Variants in FAM171A2 observed in about 807,000 individuals in gnomAD.
FAM171A2 encodes family with sequence similarity 171 member A2.
Under a neutral mutation model 34.2 loss-of-function variants are expected in FAM171A2, and 13 were observed. The ratio of observed to expected loss-of-function variants is 0.38; its 90% CI spans 0.25 to 0.60. The LOEUF is 0.60. FAM171A2 is among the 20% of genes least tolerant of loss of function. The pLI, the probability that FAM171A2 is intolerant of heterozygous loss-of-function variation, is 0.62. For missense variants in FAM171A2, 950 were observed against 1,180.7 expected, an observed-to-expected ratio of 0.80 and a Z score of 2.86; for synonymous variants, 475 against 561.2, an observed-to-expected ratio of 0.85 and a Z score of 2.17.
chr17:44,354,222 C>T lies in FAM171A2; in HGVS notation c.1992G>A (p.Ser664=), dbSNP rs1392052299. ...GGTCGATGTAAGAGTGGCGCACTTGCGAGTTGGAGCGCCCGTCGAGGGACA... is the reference window on the plus strand; with the variant it reads ...GGTCGATGTAAGAGTGGCGCACTTGTGAGTTGGAGCGCCCGTCGAGGGACA... ...WFVSLDGRSN[S]QVRHSYIDLQ... The change falls in exon 8 of 8, where the codon TCG becomes TCA. Residue 664 remains serine (S), a synonymous_variant. Coordinates refer to ENST00000293443, the MANE Select transcript of FAM171A2 (RefSeq NM_198475.3). The surrounding 1 kb of genome is among the most constrained non-coding windows in gnomAD (Gnocchi z 5.8). 9.7e-5 allele frequency: 141 copies of T among 1,452,502 alleles called. 1 individual carries two copies. The East Asian group carries it at 4.0e-3, about 41-fold the overall frequency. 90.0% of individuals were successfully genotyped at this position (1,452,502 alleles called of 1,614,324 possible). A position where few individuals can be genotyped will look rare whatever the true frequency, so the allele number is the denominator to read the frequency against.
intron 3 of FAM171A2, 119 bp from the exon 4 acceptor site, chr17:44,356,707 G>T: frequency 8.6e-7 from 1 of 1,158,504 alleles, no homozygotes; most frequent in Non-Finnish European, 1.2e-6. Context: ...TGGAAGGCCA[G>T]GGAGGGTGAT....
At chr17:44,357,365 A>AT (rs1184408986) in intron 3 of FAM171A2, among the ~76,000 whole-genome samples, 7 of 149,946 alleles carry the variant, frequency 4.7e-5, no homozygotes, top group Admixed American at 2.7e-4. Flanking sequence ...AAAAAAAAAA[A>AT]AGGCCGAGCG....
intron 3 of FAM171A2, among the ~76,000 whole-genome samples, chr17:44,357,416 A>G (rs2048429359): frequency 6.6e-6 from 1 of 152,060 alleles, no homozygotes; most frequent in African/African-American, 2.4e-5. Context: ...TGGGATTCCA[A>G]GGCAGGTGGA....
intron 3 of FAM171A2, among the ~76,000 whole-genome samples, chr17:44,357,401 C>G (rs1374073845): frequency 2.6e-5 from 4 of 151,480 alleles, no homozygotes; most frequent in Non-Finnish European, 5.9e-5. Flanking sequence ...GTAATCCCAG[C>G]ACTTTGGGAT....
intron 2 of FAM171A2, 38 bp from the exon 3 acceptor site, chr17:44,359,709 A>AAC: frequency 8.0e-7 from 1 of 1,244,672 alleles, no homozygotes. Context: ...AGGAAAACCC[A>AAC]CCCCCTACCC....
At position 44,354,686 on chromosome 17, in the gene FAM171A2, G is replaced by A; in HGVS notation, c.1528C>T (p.Pro510Ser). The A allele has an allele frequency of 2.3e-6, 3 of 1,332,000 alleles. No individual in the cohort carries two copies. The highest frequency in any genetic ancestry group is 1.9e-6 in the Non-Finnish European group (2 of 1,039,912). 82.5% of individuals were successfully genotyped at this position (1,332,000 alleles called of 1,614,324 possible). A position where few individuals can be genotyped will look rare whatever the true frequency, so the allele number is the denominator to read the frequency against. ...LSQSVDQLAR[P>S]PSLGQAGQLI... The stretch of plus-strand genomic sequence containing the variant: ...TGCCCCGCCTGGCCCAGCGACGGCG[G>A]CCGCGCCAGCTGGTCCACCGACTGC... The change falls in exon 8 of 8, where the codon CCG (proline) becomes TCG (serine). Residue 510 changes from proline (P) to serine (S), a missense_variant. Coordinates refer to ENST00000293443, the MANE Select transcript of FAM171A2 (RefSeq NM_198475.3). The surrounding 1 kb of genome is among the most constrained non-coding windows in gnomAD (Gnocchi z 5.8).
Position 44,354,727 on chromosome 17 carries a change from G to T in FAM171A2, c.1487C>A (p.Pro496His). 1 of 1,330,512 alleles carries T rather than the reference G, an allele frequency of 7.5e-7. No individual in the cohort carries two copies. Among genetic ancestry groups the T allele is most frequent in the Non-Finnish European group, 9.6e-7 (1 of 1,038,656 alleles). 82.4% of individuals were successfully genotyped at this position (1,330,512 alleles called of 1,614,324 possible). A position where few individuals can be genotyped will look rare whatever the true frequency, so the allele number is the denominator to read the frequency against. The change falls in exon 8 of 8, where the codon CCC becomes CAC. Residue 496 changes from proline to histidine, a missense_variant. By Grantham distance (77) the Pro-to-His change is moderately conservative. This residue lies in a region of FAM171A2 where 752 missense variants were observed against 924.5 expected (regional missense o/e 0.81). Coordinates refer to ENST00000293443, the MANE Select transcript of FAM171A2 (RefSeq NM_198475.3). The surrounding 1 kb of genome is among the most constrained non-coding windows in gnomAD (Gnocchi z 5.8). ...CACCGACTGCGACAGCAGGAAGTCGGGGGTCTTGCCCTCGGCCGCCCCCTT... is the reference window on the plus strand; with the variant it reads ...CACCGACTGCGACAGCAGGAAGTCGTGGGTCTTGCCCTCGGCCGCCCCCTT... Reference protein sequence around the residue: ...GHKGAAEGKTPDFLLSQSVDQ... With the variant: ...GHKGAAEGKTHDFLLSQSVDQ...
intron 1 of FAM171A2, among the ~76,000 whole-genome samples, chr17:44,360,480 G>C (rs2048443869): frequency 6.6e-6 from 1 of 152,196 alleles, no homozygotes; most frequent in Non-Finnish European, 1.5e-5. Flanking sequence ...CTTACAGTCA[G>C]TGGTGTATTG....
chr17:44,353,316 G>A lies in FAM171A2; in HGVS notation c.*417C>T. On this transcript the variant is annotated 3_prime_UTR_variant, in exon 8 of 8. Transcript: ENST00000293443. ...CAGCCACCAGCCCTGTGACATCGTAGCCCAGAGATGGGCTAGTCAGCAAGC... is the reference window on the plus strand; with the variant it reads ...CAGCCACCAGCCCTGTGACATCGTAACCCAGAGATGGGCTAGTCAGCAAGC... The A allele has an allele frequency of 5.5e-6, 1 of 182,072 alleles. No homozygotes were observed. The highest frequency in any genetic ancestry group is 1.2e-4 in the South Asian group (1 of 8,406). The allele number at this position is 182,072 out of a possible 1,614,324, so 11.3% of individuals were successfully genotyped here.
chr17:44,353,549 G>T lies in FAM171A2; in HGVS notation c.*184C>A. 1 of 362,426 alleles carries T rather than the reference G, an allele frequency of 2.8e-6. No individual in the cohort carries two copies. The allele number at this position is 362,426 out of a possible 1,614,324, so 22.5% of individuals were successfully genotyped here. Reference sequence around the variant, plus strand: ...TGGACCCCCCCTCCTCCCCGGCTTGGAGGCAGACACAGGGTCCCTTGCAAG... The same window carrying T: ...TGGACCCCCCCTCCTCCCCGGCTTGTAGGCAGACACAGGGTCCCTTGCAAG... On this transcript the variant is annotated 3_prime_UTR_variant, in exon 8 of 8. Transcript: ENST00000293443.
intron 3 of FAM171A2, among the ~76,000 whole-genome samples, chr17:44,357,770 G>A (rs1405320790): frequency 2.6e-5 from 2 of 77,070 alleles, no homozygotes; most frequent in Non-Finnish European, 2.7e-5. Context: ...GGGGTGGAGG[G>A]GACAGACATA....
At chr17:44,360,975 C>T (rs2048445538) in intron 1 of FAM171A2, among the ~76,000 whole-genome samples, 1 of 152,256 alleles carries the variant, frequency 6.6e-6, no homozygotes, top group Admixed American at 6.5e-5. Flanking sequence ...TGGCAACGCC[C>T]TCATTCCTCC....
At position 44,353,658 on chromosome 17, in the gene FAM171A2, CCCCGCGGGCCCCCGGGGCGCGCACCCTG is replaced by C; in HGVS notation, c.*47_*74del. The C allele has an allele frequency of 8.9e-7, 1 of 1,120,550 alleles. No homozygotes were observed. The highest frequency in any genetic ancestry group is 1.1e-6 in the Non-Finnish European group (1 of 899,420). The allele number at this position is 1,120,550 out of a possible 1,614,324, so 69.4% of individuals were successfully genotyped here. A position where few individuals can be genotyped will look rare whatever the true frequency, so the allele number is the denominator to read the frequency against. ...GGGGCTGGGAGCTACGCGCGAGGGC[CCCCGCGGGCCCCCGGGGCGCGCACCCTG>C]GGTGCGGGCCCGCGCGGGAGGGGCG... On this transcript the variant is annotated 3_prime_UTR_variant, in exon 8 of 8. Transcript: ENST00000293443.
At chr17:44,359,291 A>G (rs2048438266) in intron 3 of FAM171A2, 1 of 424,360 alleles carries the variant, frequency 2.4e-6, no homozygotes, top group Non-Finnish European at 4.4e-6. Context: ...TTGAAGATAA[A>G]GGTGGCAGGG....
In FAM171A2 at chr17:44,353,661, C is replaced by CGCGGGCCCCCGGGGCGCGCACCCTTGGT; in HGVS notation, c.*71_*72insACCAAGGGTGCGCGCCCCGGGGGCCCGC. 8.7e-7 allele frequency: 1 copy of CGCGGGCCCCCGGGGCGCGCACCCTTGGT among 1,149,054 alleles called. No homozygotes were observed. Among genetic ancestry groups the CGCGGGCCCCCGGGGCGCGCACCCTTGGT allele is most frequent in the Non-Finnish European group, 1.1e-6 (1 of 924,774 alleles). The allele number at this position is 1,149,054 out of a possible 1,614,324, so 71.2% of individuals were successfully genotyped here. ...GCTGGGAGCTACGCGCGAGGGCCCC[C>CGCGGGCCCCCGGGGCGCGCACCCTTGGT]GCGGGCCCCCGGGGCGCGCACCCTG... On this transcript the variant is annotated 3_prime_UTR_variant, in exon 8 of 8. Coordinates refer to ENST00000293443, the MANE Select transcript of FAM171A2 (RefSeq NM_198475.3).
rs2048457258 is a variant in FAM171A2 at position 44,363,595 on chromosome 17, A to T, written c.118+2T>A. 1.6e-6 allele frequency: 2 copies of T among 1,223,568 alleles called. No individual in the cohort carries two copies. The highest frequency in any genetic ancestry group is 3.1e-5 in the African/African-American group (2 of 64,044). 75.8% of individuals were successfully genotyped at this position (1,223,568 alleles called of 1,614,324 possible). A position where few individuals can be genotyped will look rare whatever the true frequency, so the allele number is the denominator to read the frequency against. On this transcript the variant is annotated splice_donor_variant, in intron 1 of 7. Coordinates refer to ENST00000293443, the MANE Select transcript of FAM171A2 (RefSeq NM_198475.3). LOFTEE classifies it high-confidence loss of function. Reference sequence around the variant, plus strand: ...TCGCGGCCCCTCCCGGCTGAGACTCACCCTGCGGGCTGGGGGGCTCCGGCG... The same window carrying T: ...TCGCGGCCCCTCCCGGCTGAGACTCTCCCTGCGGGCTGGGGGGCTCCGGCG...
chr17:44,357,387 G>C (rs760409038), intron 3 of FAM171A2, among the ~76,000 whole-genome samples: 3 of 150,858 alleles, frequency 2.0e-5, no homozygotes, highest in Non-Finnish European at 4.4e-5. Flanking sequence ...GGTGGCTCAC[G>C]CCTGTAATCC....
In FAM171A2 at chr17:44,354,851, G is replaced by A. The variant is rs2048413597; in HGVS notation, c.1363C>T (p.Pro455Ser). The A allele has an allele frequency of 2.3e-6, 3 of 1,281,900 alleles. No homozygotes were observed. Among genetic ancestry groups the A allele is most frequent in the Non-Finnish European group, 2.9e-6 (3 of 1,017,354 alleles). The allele number at this position is 1,281,900 out of a possible 1,614,324, so 79.4% of individuals were successfully genotyped here. A position where few individuals can be genotyped will look rare whatever the true frequency, so the allele number is the denominator to read the frequency against. The change falls in exon 8 of 8, where the codon CCC becomes TCC. Residue 455 changes from proline to serine, a missense_variant. Transcript: ENST00000293443. This position sits in a 1 kb window ranked among gnomAD's most constrained non-coding sequence, Gnocchi z 5.8. ...RSAEGPGGLE[P>S]GLEEHRRGPS... is the part of the protein sequence containing the mutation. ...CCCCGCCGGTGCTCCTCTAGGCCGG[G>A]CTCCAGCCCGCCGGGGCCCTCGGCC...
At chr17:44,357,610 G>C (rs1040081329) in intron 3 of FAM171A2, among the ~76,000 whole-genome samples, 3 of 151,930 alleles carry the variant, frequency 2.0e-5, no homozygotes, top group South Asian at 4.1e-4. Context: ...TCATGCCATT[G>C]TACTCCAGCC....
Sources: allele counts gnomAD v4.1 joint callset (sites outside exome capture counted in the v4.1 genomes callset), GRCh38; gene constraint gnomAD v4.1.1; regional missense constraint gnomAD v4.1.1; non-coding constraint Gnocchi (gnomAD v3.1); transcripts MANE v1.5; gene names NCBI Gene and HGNC (gene_info 2026-07-23, HGNC 2026-07-21).